Variants in ZFYVE16 observed in about 807,000 individuals in gnomAD.
ZFYVE16 encodes the protein zinc finger FYVE domain-containing protein 16.
ZFYVE16 carries 89 observed loss-of-function variants against 138.1 expected under a neutral mutation model. That is an observed-to-expected ratio of 0.64 (90% CI 0.54 to 0.77). ZFYVE16 has a LOEUF of 0.77. ZFYVE16 is among the 30% of genes least tolerant of loss of function. ZFYVE16 has a pLI of 0.00. For missense variants in ZFYVE16, 1,793 were observed against 1,786.7 expected (o/e 1.00, Z -0.06); for synonymous variants, 596 against 618.3 (o/e 0.96, Z 0.53).
In ZFYVE16 at chr5:80,479,909, A is replaced by T. The variant is rs1171354394; in HGVS notation, c.*2532A>T. Reference sequence around the variant, plus strand: ...GAATCAGAGGTGGAAGAACCAATGTAAAAGAACAGGCAAGTTTAGAATTGC... The same window carrying T: ...GAATCAGAGGTGGAAGAACCAATGTTAAAGAACAGGCAAGTTTAGAATTGC... On this transcript the variant is annotated 3_prime_UTR_variant, in exon 19 of 19. Coordinates refer to ENST00000505560, the MANE Select transcript of ZFYVE16 (RefSeq NM_001284236.3). Among the ~76,000 whole-genome samples the T allele has an allele frequency of 6.6e-6, 1 of 152,228 alleles. No individual in the cohort carries two copies. Among genetic ancestry groups the T allele is most frequent in the Admixed American group, 6.5e-5 (1 of 15,284 alleles).
In ZFYVE16 at chr5:80,445,265, C is replaced by G. The variant is rs1400336955; in HGVS notation, c.2584C>G (p.Leu862Val). The G allele has an allele frequency of 6.2e-7, 1 of 1,612,166 alleles. No homozygotes were observed. The highest frequency in any genetic ancestry group is 8.5e-7 in the Non-Finnish European group (1 of 1,179,434). The change falls in exon 7 of 19, where the codon CTA (leucine) becomes GTA (valine). Residue 862 changes from leucine (L) to valine (V), a missense_variant and splice_region_variant. Leu to Val is a conservative substitution (Grantham distance 32). Coordinates refer to ENST00000505560, the MANE Select transcript of ZFYVE16 (RefSeq NM_001284236.3). ...SALKQPGVEG[L>V]CSKEQKRVWF... is the part of the protein sequence containing the mutation. ...TTTACTTTTTCAATTGATTCTAGGACTATGTTCCAAAGAACAGAAGAGAGT... is the reference window on the plus strand; with the variant it reads ...TTTACTTTTTCAATTGATTCTAGGAGTATGTTCCAAAGAACAGAAGAGAGT...
upstream of ZFYVE16, among the ~76,000 whole-genome samples, chr5:80,407,775 G>A (rs1744813694): frequency 6.6e-6 from 1 of 152,202 alleles, no homozygotes; most frequent in Non-Finnish European, 1.5e-5. Context: ...GTCAGACACT[G>A]ACGCGAGTGG....
chr5:80,450,749 AT>A (rs1751899631), intron 10 of ZFYVE16, among the ~76,000 whole-genome samples, 163 bp downstream of exon 10: 1 of 151,768 alleles, frequency 6.6e-6, no homozygotes, highest in African/African-American at 2.4e-5. Context: ...TAAAACTAGC[AT>A]TTTATGTGAT....
In ZFYVE16 at chr5:80,438,487, A is replaced by G; in HGVS notation, c.1802A>G (p.Lys601Arg). ...GINIICEIVD[K>R]QNTIENGLSL... ...AATATAATTTGTGAAATAGTTGATA[A>G]ACAAAATACAATAGAAAATGGCCTT... is the stretch of plus-strand genomic sequence containing the variant. Residue 601 changes from lysine to arginine, a missense_variant, in exon 4 of 19, where the codon AAA (lysine) becomes AGA (arginine). Lys to Arg is a conservative substitution (Grantham distance 26). Transcript: ENST00000505560. 3 of 1,613,506 alleles carry G rather than the reference A, an allele frequency of 1.9e-6. No individual in the cohort carries two copies. The highest frequency in any genetic ancestry group is 2.5e-6 in the Non-Finnish European group (3 of 1,179,774).
chr5:80,453,945 A>G (rs898147199), intron 11 of ZFYVE16: 1 of 152,224 alleles, frequency 6.6e-6, no homozygotes, highest in African/African-American at 2.4e-5. Context: ...ATTCTAAGCC[A>G]TAACCTGTTG....
In ZFYVE16 at chr5:80,436,906, G is replaced by A; in HGVS notation, c.221G>A (p.Gly74Glu). The stretch of plus-strand genomic sequence containing the variant: ...TGTGCCTCATCAGAAACAAGCTATG[G>A]AACAAATGAGAGTTCCCTGAATGAA... ...NSCASSETSY[G>E]TNESSLNEKT... Residue 74 changes from glycine (G) to glutamate (E), a missense_variant, in exon 4 of 19, where the codon GGA (glycine) becomes GAA (glutamate). By Grantham distance (98) the Gly-to-Glu change is moderately conservative. Around this residue, in one of 2 missense-constraint regions of ZFYVE16, gnomAD observed 1,295 missense variants for 1,204.3 expected, o/e 1.08. Coordinates refer to ENST00000505560, the MANE Select transcript of ZFYVE16 (RefSeq NM_001284236.3). The A allele has an allele frequency of 6.2e-7, 1 of 1,614,128 alleles. No homozygotes were observed. Among genetic ancestry groups the A allele is most frequent in the South Asian group, 1.1e-5 (1 of 91,084 alleles).
Position 80,448,294 on chromosome 5 carries a change from A to G in ZFYVE16, c.2993A>G (p.Tyr998Cys), listed in dbSNP as rs199824993. 9.2e-5 allele frequency: 149 copies of G among 1,613,228 alleles called. No homozygotes were observed. Among genetic ancestry groups the G allele is most frequent in the Non-Finnish European group, 1.2e-4 (141 of 1,179,932 alleles). Residue 998 changes from tyrosine (Y) to cysteine (C), a missense_variant, in exon 8 of 19, where the codon TAT becomes TGT. Transcript: ENST00000505560. ...SNLPIASISD[Y>C]RLLCDINKYV... ...TTACCTATTGCTAGTATTTCAGATT[A>G]TAGGTTACTGTGTGATATTAACAAG...
In ZFYVE16 at chr5:80,477,657, T is replaced by C; in HGVS notation, c.*280T>C. 4.2e-6 allele frequency: 1 copy of C among 237,594 alleles called. No individual in the cohort carries two copies. Among genetic ancestry groups the C allele is most frequent in the Non-Finnish European group, 8.0e-6 (1 of 125,344 alleles). The allele number at this position is 237,594 out of a possible 1,614,324, so 14.7% of individuals were successfully genotyped here. On this transcript the variant is annotated 3_prime_UTR_variant, in exon 19 of 19. Coordinates refer to ENST00000505560, the MANE Select transcript of ZFYVE16 (RefSeq NM_001284236.3). ...AATTTATAGCATTTACTGTGTTATTTAAATGCTAAGCCAAAGTATCTGCAC... is the reference window on the plus strand; with the variant it reads ...AATTTATAGCATTTACTGTGTTATTCAAATGCTAAGCCAAAGTATCTGCAC...
chr5:80,434,226 A>AT lies in ZFYVE16; in HGVS notation c.70+13dup. The AT allele has an allele frequency of 6.2e-7, 1 of 1,612,552 alleles. No homozygotes were observed. The highest frequency in any genetic ancestry group is 1.1e-5 in the South Asian group (1 of 90,822). Reference sequence around the variant, plus strand: ...TTTTGAACAGAACCCAGGTTTGTTGATTTTCCATTTTTGCCGCTAATGGGA... The same window carrying AT: ...TTTTGAACAGAACCCAGGTTTGTTGATTTTTCCATTTTTGCCGCTAATGGGA... On this transcript the variant is annotated intron_variant, in intron 3 of 18. Coordinates refer to ENST00000505560, the MANE Select transcript of ZFYVE16 (RefSeq NM_001284236.3).
intron 1 of ZFYVE16, among the ~76,000 whole-genome samples, chr5:80,420,045 C>G (rs1097310): frequency 6.6e-6 from 1 of 150,984 alleles, no homozygotes; most frequent in Non-Finnish European, 1.5e-5. Flanking sequence ...CTCCTGACCT[C>G]GTGATCTGCC....
intron 15 of ZFYVE16, among the ~76,000 whole-genome samples, chr5:80,467,203 A>G (rs1005292501): frequency 6.6e-6 from 1 of 152,248 alleles, no homozygotes; most frequent in African/African-American, 2.4e-5. Flanking sequence ...ATGGAATACA[A>G]TTGAGGCAAA....
intron 5 of ZFYVE16, chr5:80,441,615 A>G: frequency 1.0e-6 from 1 of 985,428 alleles, no homozygotes; most frequent in Non-Finnish European, 1.2e-6. Flanking sequence ...TGGAAGAAAA[A>G]GATAATTTGA....
rs536870541 is a variant in ZFYVE16 at position 80,481,494 on chromosome 5, C to G, written c.*4117C>G. 2.0e-5 allele frequency among the ~76,000 whole-genome samples: 3 copies of G among 152,084 alleles called. No homozygotes were observed. The East Asian group carries it at 5.8e-4, about 29-fold the overall frequency. On this transcript the variant is annotated 3_prime_UTR_variant, in exon 19 of 19. Transcript: ENST00000505560. ...TTCAGATTGGCCACTAGATGGTGCACAACTGGGGCAAAGAACAGCTTAACA... is the reference window on the plus strand; with the variant it reads ...TTCAGATTGGCCACTAGATGGTGCAGAACTGGGGCAAAGAACAGCTTAACA...
At chr5:80,433,845 T>A (rs1223775077) in intron 2 of ZFYVE16, among the ~76,000 whole-genome samples, 1 of 152,192 alleles carries the variant, frequency 6.6e-6, no homozygotes, top group African/African-American at 2.4e-5. Flanking sequence ...TATGAATTCT[T>A]CTTTGACCCA....
chr5:80,439,104 TTGAG>T lies in ZFYVE16; in HGVS notation c.2322+99_2322+102del, dbSNP rs1414753950. 2.4e-6 allele frequency: 3 copies of T among 1,249,122 alleles called. No individual in the cohort carries two copies. In the African/African-American group the frequency reaches 4.6e-5, roughly 19 times the overall value. 77.4% of individuals were successfully genotyped at this position (1,249,122 alleles called of 1,614,324 possible). ...GGCTGATGAACAGATAATTACAAGA[TTGAG>T]TTAGTTTAAAATCAGTGTTTTTCAT... is the stretch of plus-strand genomic sequence containing the variant. On this transcript the variant is annotated intron_variant, in intron 4 of 18. Transcript: ENST00000505560.
intron 15 of ZFYVE16, among the ~76,000 whole-genome samples, chr5:80,460,978 A>G (rs1753044624): frequency 6.6e-6 from 1 of 152,228 alleles, no homozygotes; most frequent in African/African-American, 2.4e-5. Flanking sequence ...TATTTTTACT[A>G]TATCATTTCA....
Position 80,408,721 on chromosome 5 carries a change from G to A in ZFYVE16, c.-94+568G>A, listed in dbSNP as rs578198517. 1.4e-3 allele frequency among the ~76,000 whole-genome samples: 215 copies of A among 152,346 alleles called. 1 individual carries two copies. Among genetic ancestry groups the A allele is most frequent in the South Asian group, 3.9e-3 (19 of 4,828 alleles). On this transcript the variant is annotated intron_variant, in intron 1 of 18. Coordinates refer to ENST00000505560, the MANE Select transcript of ZFYVE16 (RefSeq NM_001284236.3). ...GGTACTTTTGAGAACTCCAAAAGAG[G>A]ACCTTATTTTTAACTCTTATTTGTA...
At chr5:80,474,568 C>CT in intron 17 of ZFYVE16, 95 bp from the exon 18 acceptor site, 1 of 1,246,298 alleles carries the variant, frequency 8.0e-7, no homozygotes, top group Non-Finnish European at 1.1e-6. Flanking sequence ...TTTCATGGTA[C>CT]TTACATTGGA....
chr5:80,425,674 A>G (rs1747881094), intron 1 of ZFYVE16, among the ~76,000 whole-genome samples: 1 of 152,066 alleles, frequency 6.6e-6, no homozygotes, highest in South Asian at 2.1e-4. Context: ...TTTTTATGTT[A>G]TTTAACTTGT....
Sources: gnomAD v4.1 joint callset for allele counts (sites outside exome capture counted in the v4.1 genomes callset) on GRCh38, gnomAD v4.1.1 for gene constraint, gnomAD v4.1.1 regional missense constraint, MANE v1.5 for transcripts, NCBI Gene and HGNC (gene_info 2026-07-23, HGNC 2026-07-21) for gene names.